The following PJA2 variants were observed in gnomAD, a reference collection of about 807,000 sequenced individuals.
The protein encoded by PJA2 is E3 ubiquitin-protein ligase Praja-2.
In PJA2, 25 loss-of-function variants were observed where a neutral mutation model predicts 69.3. The observed-to-expected ratio is 0.36, with a 90% CI of 0.26 to 0.50. PJA2 has a LOEUF of 0.50. Ranked by LOEUF, PJA2 falls within the 20% of genes least tolerant of loss-of-function variation. The probability of loss-of-function intolerance (pLI) is 0.96; values close to 1 mark genes in which losing one functional copy is unlikely to be tolerated. For synonymous variants in PJA2, 308 were observed against 277.8 expected (o/e 1.11, Z -1.08); for missense variants, 809 against 830.2 (o/e 0.97, Z 0.31).
intron 6 of PJA2, among the ~76,000 whole-genome samples, chr5:109,358,763 G>C (rs1322010689): frequency 6.6e-6 from 1 of 152,184 alleles, no homozygotes; most frequent in Non-Finnish European, 1.5e-5. Flanking sequence ...AGAGGTTGCA[G>C]TGAGTCAAGT....
At chr5:109,374,201 T>C (rs1762721557) in intron 4 of PJA2, among the ~76,000 whole-genome samples, 1 of 152,224 alleles carries the variant, frequency 6.6e-6, no homozygotes, top group African/African-American at 2.4e-5. Flanking sequence ...TCTGGTCTTT[T>C]TCCTTAGTAT....
chr5:109,394,954 T>A (rs1413620834), intron 1 of PJA2, among the ~76,000 whole-genome samples: 1 of 152,144 alleles, frequency 6.6e-6, no homozygotes, highest in Non-Finnish European at 1.5e-5. Context: ...CGCCTAACAA[T>A]TCAAAGCCAC....
Position 109,337,091 on chromosome 5 carries a change from GGTT to G in PJA2, c.*137_*139del. The G allele has an allele frequency of 5.1e-6, 4 of 784,720 alleles. No individual in the cohort carries two copies. Among genetic ancestry groups the G allele is most frequent in the South Asian group, 4.3e-5 (1 of 23,156 alleles). The allele number at this position is 784,720 out of a possible 1,614,324, so 48.6% of individuals were successfully genotyped here. A position where few individuals can be genotyped will look rare whatever the true frequency, so the allele number is the denominator to read the frequency against. ...TGCAAACCTAAATTTAGTTTAGAAA[GGTT>G]AATATTCTTTCTAAACTATGGCATA... On this transcript the variant is annotated 3_prime_UTR_variant, in exon 10 of 10. Coordinates refer to ENST00000361189, the MANE Select transcript of PJA2 (RefSeq NM_014819.5).
intron 1 of PJA2, among the ~76,000 whole-genome samples, chr5:109,401,627 C>T (rs1747553860): frequency 6.6e-6 from 1 of 151,976 alleles, no homozygotes; most frequent in Non-Finnish European, 1.5e-5. Context: ...ACACTGTGAA[C>T]AATAAATTTA....
At chr5:109,353,539 ATAGATATCTATATAT>A (rs1194484500) in intron 7 of PJA2, among the ~76,000 whole-genome samples, 24 of 110,310 alleles carry the variant, frequency 2.2e-4, no homozygotes, top group Admixed American at 1.4e-3. Flanking sequence ...CTATAATATC[ATAGATATCTATATAT>A]TAGATATCTA....
rs140359423 is a variant in PJA2 at position 109,381,547 on chromosome 5, T to C, written c.188A>G (p.Tyr63Cys). 1.9e-5 allele frequency: 30 copies of C among 1,613,956 alleles called. No homozygotes were observed. The highest frequency in any genetic ancestry group is 4.0e-5 in the African/African-American group (3 of 74,908). ...AACATCATCTAGTTCCAACACTTCA[T>C]AGTCATCACCAGCCCGACCTAAGCT... is the stretch of plus-strand genomic sequence containing the variant. ...ERSLGRAGDDYEVLELDDVPK... is the reference protein window; with the variant it reads ...ERSLGRAGDDCEVLELDDVPK... Residue 63 changes from tyrosine to cysteine, a missense_variant, in exon 3 of 10, where the codon TAT (tyrosine) becomes TGT (cysteine). Physicochemically the swap from Tyr to Cys is radical, Grantham distance 194. Coordinates refer to ENST00000361189, the MANE Select transcript of PJA2 (RefSeq NM_014819.5).
intron 4 of PJA2, among the ~76,000 whole-genome samples, chr5:109,371,576 T>A (rs183286978): frequency 3.3e-5 from 5 of 152,210 alleles, no homozygotes; most frequent in Non-Finnish European, 5.9e-5. Context: ...TAGACCTATA[T>A]AGTCAATTAT....
intron 7 of PJA2, among the ~76,000 whole-genome samples, chr5:109,346,408 T>C (rs1561341781): frequency 6.6e-6 from 1 of 152,170 alleles, no homozygotes; most frequent in Non-Finnish European, 1.5e-5. Flanking sequence ...GTTCTGGGTA[T>C]ACACCCAAAA....
intron 7 of PJA2, among the ~76,000 whole-genome samples, chr5:109,354,108 A>G (rs1762346487): frequency 9.2e-6 from 1 of 109,234 alleles, no homozygotes; most frequent in South Asian, 3.2e-4. Flanking sequence ...AGATATCTAT[A>G]GATTAGATAT....
intron 1 of PJA2, among the ~76,000 whole-genome samples, chr5:109,388,754 A>AT (rs1223910256): frequency 6.6e-6 from 1 of 152,150 alleles, no homozygotes; most frequent in Non-Finnish European, 1.5e-5. Flanking sequence ...CCATTAGAAT[A>AT]TTTTTTATTC....
chr5:109,380,681 T>C (rs1050553948), intron 3 of PJA2, among the ~76,000 whole-genome samples: 1 of 151,510 alleles, frequency 6.6e-6, no homozygotes, highest in Non-Finnish European at 1.5e-5. Flanking sequence ...GGCGCATGCC[T>C]GTAGTCCCAG....
In PJA2 at chr5:109,355,945, T is replaced by G. The variant is rs758777374; in HGVS notation, c.1734A>C (p.Ala578=). The G allele has an allele frequency of 6.2e-7, 1 of 1,613,716 alleles. No homozygotes were observed. The highest frequency in any genetic ancestry group is 8.5e-7 in the Non-Finnish European group (1 of 1,179,828). ...YVDPQFLTYM[A]LEERLAQAME... ...TAGCCTGGGCTAAGCGTTCTTCTAGTGCCATGTAGGTAAGGAACTGAGGAT... is the reference window on the plus strand; with the variant it reads ...TAGCCTGGGCTAAGCGTTCTTCTAGGGCCATGTAGGTAAGGAACTGAGGAT... Residue 578 remains alanine (A), a synonymous_variant, in exon 7 of 10, where the codon GCA becomes GCC. Coordinates refer to ENST00000361189, the MANE Select transcript of PJA2 (RefSeq NM_014819.5).
intron 5 of PJA2, among the ~76,000 whole-genome samples, chr5:109,367,055 CTGGGAGATGGAGGTTTCAG>C (rs765702060): frequency 9.9e-5 from 15 of 150,756 alleles, no homozygotes; most frequent in Non-Finnish European, 1.6e-4. Flanking sequence ...TCACTTGAAC[CTGGGAGATGGAGGTTTCAG>C]TGAGCCGAGA....
At chr5:109,371,001 T>C (rs918093923) in intron 4 of PJA2, among the ~76,000 whole-genome samples, 8 of 152,224 alleles carry the variant, frequency 5.3e-5, no homozygotes, top group African/African-American at 1.7e-4. Flanking sequence ...GCCTATGTTA[T>C]GGATTGGCAA....
At position 109,409,943 on chromosome 5, in the gene PJA2, C is replaced by T. The variant is rs940560713; in HGVS notation, c.-189G>A. ...AACTCCTCCCCCGCCGAACGCGAAG[C>T]GGCTGGCGGCTGTGGCGGCGGCGGC... On this transcript the variant is annotated 5_prime_UTR_variant, in exon 1 of 10. Transcript: ENST00000361189. 3.4e-5 allele frequency: 7 copies of T among 205,172 alleles called. No individual in the cohort carries two copies. The highest frequency in any genetic ancestry group is 9.6e-5 in the African/African-American group (4 of 41,838). The allele number at this position is 205,172 out of a possible 1,614,324, so 12.7% of individuals were successfully genotyped here. A position where few individuals can be genotyped will look rare whatever the true frequency, so the allele number is the denominator to read the frequency against.
In PJA2 at chr5:109,382,610, G is replaced by GGATGAGGCAGTCGGATCACTT. The variant is rs549470741; in HGVS notation, c.31+772_31+792dup. 2.8e-3 allele frequency among the ~76,000 whole-genome samples: 429 copies of GGATGAGGCAGTCGGATCACTT among 152,294 alleles called. 2 individuals carry two copies. Among genetic ancestry groups the GGATGAGGCAGTCGGATCACTT allele is most frequent in the African/African-American group, 9.7e-3 (403 of 41,542 alleles). ...TGCCTGTAATCCCGGTACTTTGGGAGGATGAGGCAGTCGGATCACTTGAGG... is the reference window on the plus strand; with the variant it reads ...TGCCTGTAATCCCGGTACTTTGGGAGGATGAGGCAGTCGGATCACTTGATGAGGCAGTCGGATCACTTGAGG... On this transcript the variant is annotated intron_variant, in intron 2 of 9. Transcript: ENST00000361189.
Position 109,378,505 on chromosome 5 carries a change from C to G in PJA2, c.982G>C (p.Asp328His). 1.9e-6 allele frequency: 3 copies of G among 1,614,140 alleles called. No homozygotes were observed. The highest frequency in any genetic ancestry group is 2.5e-6 in the Non-Finnish European group (3 of 1,180,008). ...TGCCTATTAAAACCTGTTTCTTGGT[C>G]CACCTGGCTTGAACTTATCAGTTTT... ...VRKLISSSQV[D>H]QETGFNRHEA... The change falls in exon 4 of 10, where the codon GAC becomes CAC. Residue 328 changes from aspartate to histidine, a missense_variant. This residue lies in a region of PJA2 where 700 missense variants were observed against 639.5 expected (regional missense o/e 1.09). Coordinates refer to ENST00000361189, the MANE Select transcript of PJA2 (RefSeq NM_014819.5).
intron 1 of PJA2, among the ~76,000 whole-genome samples, chr5:109,398,219 G>A (rs913973342): frequency 2.6e-5 from 4 of 152,186 alleles, no homozygotes; most frequent in African/African-American, 9.7e-5. Flanking sequence ...ACAGTGTGGT[G>A]ATTCCTCAAG....
intron 3 of PJA2, among the ~76,000 whole-genome samples, chr5:109,380,804 C>CA (rs34675958): frequency 0.055 from 4,837 of 88,660 alleles, 389 homozygotes; most frequent in African/African-American, 0.18. Flanking sequence ...GATTCCATCT[C>CA]AAAAAAAAAA....
Sources: gnomAD v4.1 joint callset for allele counts (sites outside exome capture counted in the v4.1 genomes callset) on GRCh38, gnomAD v4.1.1 for gene constraint, gnomAD v4.1.1 regional missense constraint, MANE v1.5 for transcripts, NCBI Gene and HGNC (gene_info 2026-07-23, HGNC 2026-07-21) for gene names.